SKA2: variants seen among roughly 807,000 people sequenced by gnomAD.
SKA2 encodes the protein spindle and kinetochore-associated protein 2.
Under a neutral mutation model 16.9 loss-of-function variants are expected in SKA2, and 13 were observed. The ratio of observed to expected loss-of-function variants is 0.77; its 90% CI spans 0.50 to 1.22. The LOEUF is 1.22. SKA2 is among the 50% of genes most tolerant of loss of function. SKA2 has a pLI of 0.00. For missense variants in SKA2, 107 were observed against 139.7 expected (o/e 0.77, Z 1.18); for synonymous variants, 47 against 48.5 (o/e 0.97, Z 0.13).
At chr17:59,112,964 A>T (rs978815144) in intron 3 of SKA2, among the ~76,000 whole-genome samples, 1 of 151,936 alleles carries the variant, frequency 6.6e-6, no homozygotes, top group South Asian at 2.1e-4. Context: ...CCCAGGCTGG[A>T]GTGCAGTGGC....
chr17:59,151,894 A>C (rs2046580396), intron 1 of SKA2: 1 of 152,224 alleles, frequency 6.6e-6, no homozygotes, highest in Non-Finnish European at 1.5e-5. Flanking sequence ...TTAAAATTTC[A>C]GTTAACTCCT....
At chr17:59,124,514 A>T (rs901049111) in intron 2 of SKA2, 1 of 152,138 alleles carries the variant, frequency 6.6e-6, no homozygotes, top group Non-Finnish European at 1.5e-5. Flanking sequence ...ATAATAAATT[A>T]TGTAACTTAA....
chr17:59,136,268 T>C (rs1206810257), intron 1 of SKA2, among the ~76,000 whole-genome samples: 1 of 151,890 alleles, frequency 6.6e-6, no homozygotes, highest in East Asian at 1.9e-4. Context: ...GTTCAAGAGA[T>C]TCTCCTGCCT....
At chr17:59,135,989 T>C (rs998855237) in intron 1 of SKA2, among the ~76,000 whole-genome samples, 2 of 151,578 alleles carry the variant, frequency 1.3e-5, no homozygotes, top group Non-Finnish European at 2.9e-5. Flanking sequence ...AAGGCTGCAG[T>C]GTATTATAAT....
intron 2 of SKA2, among the ~76,000 whole-genome samples, chr17:59,120,162 C>T (rs2046323089): frequency 1.3e-5 from 2 of 152,244 alleles, no homozygotes; most frequent in Non-Finnish European, 2.9e-5. Flanking sequence ...CCCGCCTCAA[C>T]CTCCCAAAGT....
At chr17:59,133,109 T>A (rs1411116612) in intron 1 of SKA2, among the ~76,000 whole-genome samples, 1 of 152,198 alleles carries the variant, frequency 6.6e-6, no homozygotes, top group Non-Finnish European at 1.5e-5. Flanking sequence ...CGAGTGCACC[T>A]GGGACTACAG....
chr17:59,142,989 T>C (rs1346244422), intron 1 of SKA2, among the ~76,000 whole-genome samples: 1 of 147,968 alleles, frequency 6.8e-6, no homozygotes, highest in Non-Finnish European at 1.5e-5. Context: ...CCAAAGCTGG[T>C]CCTGAACTCC....
intron 1 of SKA2, among the ~76,000 whole-genome samples, chr17:59,150,907 T>C (rs1805933174): frequency 6.6e-6 from 1 of 152,226 alleles, no homozygotes; most frequent in African/African-American, 2.4e-5. Flanking sequence ...ATTACTCATT[T>C]AGACAAACCA....
chr17:59,130,812 T>A lies in SKA2; in HGVS notation c.120+469A>T, dbSNP rs1402304411. ...AATGATTTTATGACATAAAGCAGAG[T>A]TAATGTTTCTAATCAACCTAAACTT... On this transcript the variant is annotated intron_variant, in intron 2 of 3. Coordinates refer to ENST00000330137, the MANE Select transcript of SKA2 (RefSeq NM_182620.4). Among the ~76,000 whole-genome samples, 5 of 152,210 alleles carry A rather than the reference T, an allele frequency of 3.3e-5. No individual in the cohort carries two copies. The East Asian group carries it at 7.7e-4, about 24-fold the overall frequency.
chr17:59,137,750 T>C (rs1318206976), intron 1 of SKA2: 1 of 524,332 alleles, frequency 1.9e-6, no homozygotes, highest in East Asian at 5.6e-5. Context: ...GCTACATACT[T>C]TCTGCAGCCT....
intron 1 of SKA2, among the ~76,000 whole-genome samples, chr17:59,150,483 T>G (rs941055504): frequency 6.6e-6 from 1 of 152,074 alleles, no homozygotes. Context: ...ACACCTATAA[T>G]CCCAGCACTC....
intron 2 of SKA2, among the ~76,000 whole-genome samples, chr17:59,128,414 C>T (rs1373057790): frequency 6.6e-6 from 1 of 151,998 alleles, no homozygotes; most frequent in Non-Finnish European, 1.5e-5. Context: ...CACCTGACGT[C>T]AGGAGTTCAA....
intron 2 of SKA2, among the ~76,000 whole-genome samples, chr17:59,120,923 C>G (rs951617857): frequency 6.6e-6 from 1 of 151,932 alleles, no homozygotes; most frequent in African/African-American, 2.4e-5. Context: ...GAGGCCGAGG[C>G]GGGCAGATCA....
intron 1 of SKA2, among the ~76,000 whole-genome samples, chr17:59,144,690 T>C (rs1357823628): frequency 6.6e-6 from 1 of 152,170 alleles, no homozygotes; most frequent in Non-Finnish European, 1.5e-5. Context: ...TACTGTATGA[T>C]TTCATTTAAA....
intron 2 of SKA2, among the ~76,000 whole-genome samples, chr17:59,120,889 A>G (rs1303507502): frequency 1.3e-5 from 2 of 152,236 alleles, no homozygotes; most frequent in East Asian, 3.9e-4. Flanking sequence ...GCAGTGGCTC[A>G]CGCCTGTAAT....
intron 2 of SKA2, among the ~76,000 whole-genome samples, chr17:59,121,138 G>A (rs1027123136): frequency 1.4e-5 from 2 of 147,254 alleles, no homozygotes; most frequent in Non-Finnish European, 1.5e-5. Flanking sequence ...GGCGACTGAG[G>A]GAGACTCCGT....
chr17:59,129,761 G>A (rs2046397985), intron 2 of SKA2, among the ~76,000 whole-genome samples: 1 of 151,218 alleles, frequency 6.6e-6, no homozygotes, highest in African/African-American at 2.4e-5. Flanking sequence ...AGGCTGAGGC[G>A]GGAGAATCCC....
At chr17:59,144,936 AC>A (rs1252773012) in intron 1 of SKA2, among the ~76,000 whole-genome samples, 2 of 152,148 alleles carry the variant, frequency 1.3e-5, no homozygotes, top group Non-Finnish European at 2.9e-5. Flanking sequence ...AGTTGGGATT[AC>A]AGGCACACAC....
At chr17:59,113,227 A>G (rs2046275135) in intron 3 of SKA2, among the ~76,000 whole-genome samples, 1 of 149,426 alleles carries the variant, frequency 6.7e-6, no homozygotes, top group African/African-American at 2.5e-5. Context: ...CATCTTAAGA[A>G]AAGAAAAAAG....
Sources: gnomAD v4.1 joint callset for allele counts (sites outside exome capture counted in the v4.1 genomes callset) on GRCh38, gnomAD v4.1.1 for gene constraint, MANE v1.5 for transcripts, NCBI Gene and HGNC (gene_info 2026-07-23, HGNC 2026-07-21) for gene names.